The following CDH3 variants were observed in gnomAD, a reference collection of about 807,000 sequenced individuals.
The protein encoded by CDH3 is cadherin-3.
In CDH3, 54 loss-of-function variants were observed where a neutral mutation model predicts 82.0. That is an observed-to-expected ratio of 0.66 (90% CI 0.53 to 0.83). The LOEUF is 0.83. Ranked by LOEUF, CDH3 falls within the 40% of genes least tolerant of loss-of-function variation. The probability of loss-of-function intolerance (pLI) is 0.00; values close to 1 mark genes in which losing one functional copy is unlikely to be tolerated. For missense variants in CDH3, 1,054 were observed against 1,084.6 expected (o/e 0.97, Z 0.40); for synonymous variants, 446 against 437.9 (o/e 1.02, Z -0.23).
chr16:68,731,074 AT>A (rs2152112414), downstream of CDH3, among the ~76,000 whole-genome samples: 1 of 124,938 alleles, frequency 8.0e-6, no homozygotes, highest in Non-Finnish European at 1.6e-5. Flanking sequence ...ATATATATAT[AT>A]ATAATTATAA....
chr16:68,705,244 T>C (rs1196479338), downstream of CDH3, among the ~76,000 whole-genome samples: 1 of 152,174 alleles, frequency 6.6e-6, no homozygotes, highest in African/African-American at 2.4e-5. Flanking sequence ...CTTCAGGTAA[T>C]GCTTATGGCT....
intron 1 of CDH3, among the ~76,000 whole-genome samples, chr16:68,710,933 AGGGAG>A (rs1439675455): frequency 1.6e-5 from 2 of 123,696 alleles, no homozygotes; most frequent in Non-Finnish European, 3.4e-5. Context: ...GAAGGAGAGA[AGGGAG>A]GGGAGGGGAG....
intron 2 of CDH3, among the ~76,000 whole-genome samples, chr16:68,657,918 T>G (rs1960448209): frequency 6.6e-6 from 1 of 152,204 alleles, no homozygotes; most frequent in African/African-American, 2.4e-5. Flanking sequence ...GAGTTCTTAC[T>G]CTAGGGTCTC....
At chr16:68,702,817 A>G (rs1273858997), downstream of CDH3, among the ~76,000 whole-genome samples, 1 of 152,044 alleles carries the variant, frequency 6.6e-6, no homozygotes, top group Non-Finnish European at 1.5e-5. Context: ...GTGAGCCGAG[A>G]TCACGCCATT....
intron 3 of CDH3, 67 bp downstream of exon 3, chr16:68,676,537 C>T: frequency 7.7e-7 from 1 of 1,301,002 alleles, no homozygotes; most frequent in Non-Finnish European, 1.1e-6. Context: ...AATTGCTGGC[C>T]AGGAGCCCTT....
chr16:68,698,034 G>T, intron 15 of CDH3, 157 bp from the exon 16 acceptor site: 1 of 745,304 alleles, frequency 1.3e-6, no homozygotes, highest in African/African-American at 1.7e-5. Context: ...GCTGGTCCCT[G>T]AGTGAATGAA....
intron 1 of CDH3, among the ~76,000 whole-genome samples, chr16:68,716,205 T>G (rs1597829550): frequency 6.7e-6 from 1 of 149,006 alleles, no homozygotes. Context: ...GAGGCGGAGG[T>G]TGCAGTGAGA....
chr16:68,691,011 C>CTTTTTTTTTT (rs561915097), intron 12 of CDH3, among the ~76,000 whole-genome samples: 1 of 137,616 alleles, frequency 7.3e-6, no homozygotes. Flanking sequence ...CCTTTACTTT[C>CTTTTTTTTTT]TTTTTTTTTT....
At position 68,687,567 on chromosome 16, in the gene CDH3, T is replaced by C. The variant is rs2296405; in HGVS notation, c.1626T>C (p.Asn542=). The change falls in exon 12 of 16, where the codon AAT becomes AAC. Residue 542 remains asparagine, a synonymous_variant. Coordinates refer to ENST00000264012, the MANE Select transcript of CDH3 (RefSeq NM_001793.6). ...TTCTGCTAACACTGATTGATGTCAATGACCATGGCCCAGTCCCTGAGCCCC... is the reference window on the plus strand; with the variant it reads ...TTCTGCTAACACTGATTGATGTCAACGACCATGGCCCAGTCCCTGAGCCCC... ...GTLLLTLIDV[N]DHGPVPEPRQ... 982,527 of 1,613,532 alleles carry C rather than the reference T, an allele frequency of 0.61. 300,610 individuals carry two copies. The highest frequency in any genetic ancestry group is 0.67 in the African/African-American group (50,065 of 74,898).
rs776565426 is a variant in CDH3 at position 68,695,905 on chromosome 16, C to T, written c.2262C>T (p.Ile754=). 1.1e-5 allele frequency: 17 copies of T among 1,613,994 alleles called. No homozygotes were observed. The East Asian group carries it at 2.2e-4, about 21-fold the overall frequency. Residue 754 remains isoleucine, a synonymous_variant, in exon 15 of 16, where the codon ATC becomes ATT. Transcript: ENST00000264012. ...YRPRPANPDE[I]GNFIIENLKA... is the part of the protein sequence containing the mutation. ...CTCGGCCAGCCAACCCAGATGAAAT[C>T]GGCAACTTTATAATTGAGGTGAGGC... is the stretch of plus-strand genomic sequence containing the variant.
chr16:68,701,479 A>AT (rs1433280875), downstream of CDH3, among the ~76,000 whole-genome samples: 1 of 151,866 alleles, frequency 6.6e-6, no homozygotes, highest in African/African-American at 2.4e-5. Flanking sequence ...GGTCCTTTGA[A>AT]TTTTGTGTTT....
exon 3 of CDH3, among the ~76,000 whole-genome samples, chr16:68,727,228 C>T (rs1480453090): frequency 6.6e-6 from 1 of 152,160 alleles, no homozygotes; most frequent in Non-Finnish European, 1.5e-5. Context: ...GGATTTGTAC[C>T]AGCAGCCCCC....
chr16:68,731,317 G>A (rs1483317491), downstream of CDH3, among the ~76,000 whole-genome samples: 3 of 107,862 alleles, frequency 2.8e-5, no homozygotes, highest in South Asian at 3.2e-4. Context: ...CCGAGATCAC[G>A]CCATTGCACT....
chr16:68,691,648 ACTTTCTT>A, intron 12 of CDH3, 65 bp from the exon 13 acceptor site: 1 of 1,218,364 alleles, frequency 8.2e-7, no homozygotes, highest in Non-Finnish European at 1.2e-6. Context: ...GTATTCTCAA[ACTTTCTT>A]CATGGTGTAC....
chr16:68,733,000 C>G, the CDH3 span, among the ~76,000 whole-genome samples: 1 of 151,894 alleles, frequency 6.6e-6, no homozygotes, highest in Admixed American at 6.6e-5. Flanking sequence ...AGGCAGCTCA[C>G]AATTTTTCCT....
chr16:68,686,270 A>G (rs1489423763), intron 11 of CDH3: 11 of 649,548 alleles, frequency 1.7e-5, no homozygotes. Flanking sequence ...GGCTGGGGTG[A>G]GTGCACCTGC....
chr16:68,673,909 A>G (rs1389470579), intron 2 of CDH3, among the ~76,000 whole-genome samples: 1 of 151,810 alleles, frequency 6.6e-6, no homozygotes, highest in African/African-American at 2.4e-5. Context: ...GTGAGACTCC[A>G]TCTCAGAAAA....
intron 13 of CDH3, among the ~76,000 whole-genome samples, chr16:68,693,695 C>T (rs761940079): frequency 5.3e-5 from 8 of 152,080 alleles, no homozygotes; most frequent in Non-Finnish European, 8.8e-5. Context: ...CGTGGACTCC[C>T]AAGGAAGGTT....
At chr16:68,696,029 T>C in intron 15 of CDH3, 106 bp downstream of exon 15, 2 of 1,210,798 alleles carry the variant, frequency 1.7e-6, no homozygotes, top group Non-Finnish European at 2.4e-6. Flanking sequence ...GTTCAAATTC[T>C]GACTCCACCA....
Sources: allele counts gnomAD v4.1 joint callset (sites outside exome capture counted in the v4.1 genomes callset), GRCh38; gene constraint gnomAD v4.1.1; transcripts MANE v1.5; gene names NCBI Gene and HGNC (gene_info 2026-07-23, HGNC 2026-07-21).